The following SETBP1 variants were observed in gnomAD, a reference collection of about 807,000 sequenced individuals.
SETBP1 encodes the protein SET-binding protein.
Under a neutral mutation model 101.0 loss-of-function variants are expected in SETBP1, and 9 were observed. The observed-to-expected ratio is 0.09, with a 90% CI of 0.05 to 0.16. The LOEUF (loss-of-function observed/expected upper bound fraction) is 0.16. Among genes scored for constraint, SETBP1 ranks in the 10% least tolerant of loss-of-function variants. The pLI, the probability that SETBP1 is intolerant of heterozygous loss-of-function variation, is 1.00. For synonymous variants in SETBP1, 818 were observed against 788.5 expected (o/e 1.04, Z -0.63); for missense variants, 1,858 against 2,033.8 (o/e 0.91, Z 1.66).
At chr18:44,758,414 G>A (rs943567213) in intron 2 of SETBP1, among the ~76,000 whole-genome samples, 5 of 148,728 alleles carry the variant, frequency 3.4e-5, no homozygotes, top group East Asian at 2.0e-4. Context: ...ACGGAGTCTC[G>A]CTCTGTTGCC....
chr18:44,705,505 G>C (rs2069198984), intron 2 of SETBP1, among the ~76,000 whole-genome samples: 1 of 152,148 alleles, frequency 6.6e-6, no homozygotes, highest in Non-Finnish European at 1.5e-5. Flanking sequence ...TTGGAGGCTG[G>C]GGGGAATTAG....
rs768953971 is a variant in SETBP1 at position 44,950,083 on chromosome 18, C to G, written c.743C>G (p.Thr248Ser). The G allele has an allele frequency of 6.2e-7, 1 of 1,614,066 alleles. No individual in the cohort carries two copies. The highest frequency in any genetic ancestry group is 1.3e-5 in the African/African-American group (1 of 74,938). The change falls in exon 4 of 6, where the codon ACC (threonine) becomes AGC (serine). Residue 248 changes from threonine (T) to serine (S), a missense_variant. Transcript: ENST00000649279. ...SPESGRETAS[T>S]SKIPALEPVA... is the part of the protein sequence containing the mutation. Reference sequence around the variant, plus strand: ...GAGTCTGGCAGAGAAACTGCAAGCACCAGCAAGATCCCCGCTCTTGAGCCC... The same window carrying G: ...GAGTCTGGCAGAGAAACTGCAAGCAGCAGCAAGATCCCCGCTCTTGAGCCC...
intron 2 of SETBP1, among the ~76,000 whole-genome samples, chr18:44,716,379 A>G (rs770433182): frequency 2.0e-5 from 3 of 152,132 alleles, no homozygotes; most frequent in Non-Finnish European, 2.9e-5. Context: ...CCACTGACGG[A>G]AGTTTTTCTT....
chr18:44,910,877 C>T (rs1014250305), intron 3 of SETBP1, among the ~76,000 whole-genome samples: 1 of 152,146 alleles, frequency 6.6e-6, no homozygotes, highest in Non-Finnish European at 1.5e-5. Flanking sequence ...TGGTTGCCCC[C>T]TGCCCCTCAC....
intron 3 of SETBP1, among the ~76,000 whole-genome samples, chr18:44,944,879 T>C (rs2071166917): frequency 6.6e-6 from 1 of 152,184 alleles, no homozygotes; most frequent in Non-Finnish European, 1.5e-5. Flanking sequence ...TAAGGCTAGG[T>C]CACTCATTTG....
At chr18:44,866,540 G>C (rs1157551321) in intron 2 of SETBP1, among the ~76,000 whole-genome samples, 1 of 152,220 alleles carries the variant, frequency 6.6e-6, no homozygotes, top group Non-Finnish European at 1.5e-5. Context: ...ACAGGGTCTT[G>C]TTGGGCATGT....
At chr18:44,947,532 C>G in intron 3 of SETBP1, among the ~76,000 whole-genome samples, 1 of 132,472 alleles carries the variant, frequency 7.5e-6, no homozygotes. Flanking sequence ...GAGTTTCACT[C>G]TTATTGCCCA....
At chr18:44,772,631 A>G (rs778828120) in intron 2 of SETBP1, among the ~76,000 whole-genome samples, 8 of 152,158 alleles carry the variant, frequency 5.3e-5, no homozygotes, top group Admixed American at 1.3e-4. Flanking sequence ...CCAAGTAATT[A>G]TGTGCCGTGC....
At chr18:44,737,678 A>C (rs1399858299) in intron 2 of SETBP1, among the ~76,000 whole-genome samples, 2 of 152,210 alleles carry the variant, frequency 1.3e-5, no homozygotes, top group African/African-American at 4.8e-5. Context: ...ACATAATCTC[A>C]GAGTTTAAAG....
At chr18:44,926,079 T>G (rs897676148) in intron 3 of SETBP1, among the ~76,000 whole-genome samples, 65 of 152,144 alleles carry the variant, frequency 4.3e-4, no homozygotes, top group African/African-American at 1.5e-3. Flanking sequence ...TATTTTTATT[T>G]GTGTTTGAGA....
chr18:44,867,165 A>G (rs1393957869), intron 2 of SETBP1, among the ~76,000 whole-genome samples: 1 of 152,224 alleles, frequency 6.6e-6, no homozygotes, highest in Non-Finnish European at 1.5e-5. Context: ...CTCATGAAGG[A>G]GTTGTGAATA....
intron 2 of SETBP1, among the ~76,000 whole-genome samples, chr18:44,736,498 A>T (rs1453851655): frequency 6.6e-6 from 1 of 152,212 alleles, no homozygotes; most frequent in African/African-American, 2.4e-5. Context: ...AGTTGGGAAG[A>T]TACTGTCATC....
At chr18:44,965,313 A>ACACACACACACACG (rs1555636740) in intron 4 of SETBP1, among the ~76,000 whole-genome samples, 1 of 151,714 alleles carries the variant, frequency 6.6e-6, no homozygotes, top group African/African-American at 2.4e-5. Context: ...ACACACACAC[A>ACACACACACACACG]GATCACTCAG....
At chr18:44,680,656 T>A (rs1191173652), upstream of SETBP1, among the ~76,000 whole-genome samples, 1 of 152,082 alleles carries the variant, frequency 6.6e-6, no homozygotes, top group Non-Finnish European at 1.5e-5. Context: ...CTGGCTCAAT[T>A]GGAGTGGCTC....
intron 3 of SETBP1, chr18:44,869,660 CTG>C (rs770279948): frequency 5.6e-5 from 18 of 323,452 alleles, no homozygotes; most frequent in Non-Finnish European, 1.0e-4. Context: ...ACTCGCATGT[CTG>C]TAATCTTTGC....
chr18:45,061,354 A>C (rs1330786672), intron 5 of SETBP1, among the ~76,000 whole-genome samples: 2 of 152,246 alleles, frequency 1.3e-5, no homozygotes, highest in Admixed American at 1.3e-4. Context: ...ACATAAAGAC[A>C]GACAGGCATT....
intron 2 of SETBP1, among the ~76,000 whole-genome samples, chr18:44,788,069 G>A (rs7235574): frequency 0.09 from 13,573 of 150,606 alleles, 770 homozygotes; most frequent in East Asian, 0.24. Context: ...ATGTGGCACC[G>A]GAAGGTAATG....
chr18:44,841,429 T>A (rs1159542790), intron 2 of SETBP1, among the ~76,000 whole-genome samples: 1 of 152,096 alleles, frequency 6.6e-6, no homozygotes, highest in Non-Finnish European at 1.5e-5. Context: ...TCCACCACAA[T>A]CTATTCACTA....
At chr18:44,882,381 C>T (rs180817628) in intron 3 of SETBP1, among the ~76,000 whole-genome samples, 20 of 152,098 alleles carry the variant, frequency 1.3e-4, no homozygotes, top group Admixed American at 7.9e-4. Context: ...GCTGGGGGTG[C>T]GGACGAAGCG....
Sources: gnomAD v4.1 joint callset for allele counts (sites outside exome capture counted in the v4.1 genomes callset) on GRCh38, gnomAD v4.1.1 for gene constraint, MANE v1.5 for transcripts, NCBI Gene and HGNC (gene_info 2026-07-23, HGNC 2026-07-21) for gene names.